The following NTM variants were observed in gnomAD, a reference collection of about 807,000 sequenced individuals.
NTM encodes the protein IgLON family member 2.
In NTM, 13 loss-of-function variants were observed where a neutral mutation model predicts 42.1. The observed-to-expected ratio is 0.31, with a 90% CI of 0.20 to 0.49. The LOEUF is 0.49. Among genes scored for constraint, NTM ranks in the 20% least tolerant of loss-of-function variants. The probability of loss-of-function intolerance (pLI) is 0.99; values close to 1 mark genes in which losing one functional copy is unlikely to be tolerated. For synonymous variants in NTM, 187 were observed against 179.2 expected (o/e 1.04, Z -0.35); for missense variants, 373 against 452.8 (o/e 0.82, Z 1.60).
At chr11:131,911,358 C>G (rs2054919166) in intron 1 of NTM, 2 of 1,530,880 alleles carry the variant, frequency 1.3e-6, no homozygotes, top group African/African-American at 2.8e-5. Context: ...CCCGCGCCTC[C>G]CGGTCGCCGC....
At chr11:132,321,262 G>T (rs187317388) in intron 7 of NTM, among the ~76,000 whole-genome samples, 1 of 152,222 alleles carries the variant, frequency 6.6e-6, no homozygotes, top group Admixed American at 6.5e-5. Context: ...CAAAGGCAAA[G>T]AAGTTGAAAA....
intron 1 of NTM, among the ~76,000 whole-genome samples, chr11:131,494,661 A>C (rs559171688): frequency 1.3e-5 from 2 of 152,334 alleles, no homozygotes; most frequent in East Asian, 1.9e-4. Flanking sequence ...TGAACGCATA[A>C]ATAAATGGAT....
intron 1 of NTM, among the ~76,000 whole-genome samples, chr11:131,714,957 C>T (rs2077535739): frequency 2.6e-5 from 4 of 152,170 alleles, no homozygotes; most frequent in African/African-American, 7.2e-5. Context: ...GTTTTACAAG[C>T]CAAAGTGGTC....
chr11:132,300,493 G>A (rs548280787), intron 4 of NTM, among the ~76,000 whole-genome samples: 17 of 152,278 alleles, frequency 1.1e-4, no homozygotes, highest in Admixed American at 5.2e-4. Context: ...CAGTGCAGCC[G>A]GGGGAAGTGG....
At chr11:132,169,803 A>T in intron 3 of NTM, among the ~76,000 whole-genome samples, 1 of 152,142 alleles carries the variant, frequency 6.6e-6, no homozygotes, top group Admixed American at 6.5e-5. Context: ...TGCTGTCTAC[A>T]TGGATGTTTG....
At chr11:131,530,875 T>C (rs1157501217) in intron 1 of NTM, among the ~76,000 whole-genome samples, 1 of 152,114 alleles carries the variant, frequency 6.6e-6, no homozygotes, top group African/African-American at 2.4e-5. Context: ...ACGGAGGCAA[T>C]TAAGGAAGAA....
intron 4 of NTM, among the ~76,000 whole-genome samples, chr11:132,225,029 A>G (rs2085921010): frequency 1.3e-5 from 2 of 152,272 alleles, no homozygotes; most frequent in Non-Finnish European, 2.9e-5. Context: ...AAAAATGATC[A>G]TAACAACTCC....
intron 1 of NTM, among the ~76,000 whole-genome samples, chr11:131,556,089 T>C: frequency 6.6e-6 from 1 of 152,228 alleles, no homozygotes; most frequent in East Asian, 1.9e-4. Context: ...GCTGTCATGG[T>C]GGAGACATGC....
At chr11:131,495,979 C>T (rs534131021) in intron 1 of NTM, among the ~76,000 whole-genome samples, 12 of 152,342 alleles carry the variant, frequency 7.9e-5, no homozygotes, top group Admixed American at 3.3e-4. Flanking sequence ...AATCTGAATT[C>T]TTTTCCAACT....
intron 1 of NTM, among the ~76,000 whole-genome samples, chr11:131,733,467 CTT>C (rs2079966496): frequency 1.9e-5 from 1 of 51,328 alleles, no homozygotes; most frequent in Non-Finnish European, 4.2e-5. Context: ...TCCTTCTTTC[CTT>C]CCTTCCTTCC....
At chr11:131,994,017 AAAGAAG>A (rs58021603) in intron 2 of NTM, among the ~76,000 whole-genome samples, 18 of 137,996 alleles carry the variant, frequency 1.3e-4, no homozygotes, top group African/African-American at 4.3e-4. Context: ...AAAAAAAAAA[AAAGAAG>A]AAGAAGAAGA....
chr11:132,184,676 A>T (rs909038261), intron 3 of NTM, among the ~76,000 whole-genome samples: 2 of 152,210 alleles, frequency 1.3e-5, no homozygotes, highest in African/African-American at 4.8e-5. Context: ...TTGGGCCACA[A>T]AGCTTCAAAA....
intron 2 of NTM, among the ~76,000 whole-genome samples, chr11:132,056,305 C>G (rs2079643792): frequency 6.6e-6 from 1 of 152,158 alleles, no homozygotes; most frequent in Admixed American, 6.5e-5. Flanking sequence ...AGACTACATT[C>G]TGAGTTCCTA....
intron 3 of NTM, among the ~76,000 whole-genome samples, chr11:132,193,405 T>C (rs2079624250): frequency 6.6e-6 from 1 of 151,844 alleles, no homozygotes; most frequent in Admixed American, 6.6e-5. Context: ...CTGGATGACT[T>C]TGGGGAAAAG....
intron 1 of NTM, among the ~76,000 whole-genome samples, chr11:131,783,794 C>T (rs2088621407): frequency 6.6e-6 from 1 of 152,130 alleles, no homozygotes; most frequent in Non-Finnish European, 1.5e-5. Context: ...AGTTAAACCT[C>T]ATCCAAACTG....
At chr11:132,165,074 G>A (rs1009295077) in intron 3 of NTM, among the ~76,000 whole-genome samples, 4 of 152,122 alleles carry the variant, frequency 2.6e-5, no homozygotes. Context: ...CAGGCCTGGG[G>A]CTTTACCTGC....
rs1950075159 is a variant in NTM, at chr11:131,446,578, C to A, written c.82+75690C>A. ...CCATCCCACCTAGGCGCACATTCGC[C>A]TTCCTCTGCCTCCCCTTTGAAATCC... On this transcript the variant is annotated intron_variant, in intron 1 of 8. Transcript: ENST00000683400. Among the ~76,000 whole-genome samples, 5 of 152,304 alleles carry A rather than the reference C, an allele frequency of 3.3e-5. No individual in the cohort carries two copies. The South Asian group carries it at 1.0e-3, about 32-fold the overall frequency.
chr11:132,133,958 G>C (rs1172090173), intron 2 of NTM, among the ~76,000 whole-genome samples: 2 of 152,136 alleles, frequency 1.3e-5, no homozygotes, highest in Non-Finnish European at 2.9e-5. Flanking sequence ...GCTCTCATCA[G>C]ACCAAACCTT....
At chr11:131,561,171 C>T (rs2056185390) in intron 1 of NTM, among the ~76,000 whole-genome samples, 1 of 152,224 alleles carries the variant, frequency 6.6e-6, no homozygotes, top group African/African-American at 2.4e-5. Flanking sequence ...CTTCCATTCA[C>T]TGGGCCCCAA....
Sources: allele counts gnomAD v4.1 joint callset (sites outside exome capture counted in the v4.1 genomes callset), GRCh38; gene constraint gnomAD v4.1.1; transcripts MANE v1.5; gene names NCBI Gene and HGNC (gene_info 2026-07-23, HGNC 2026-07-21).